ANKRD24: variants seen among roughly 807,000 people sequenced by gnomAD.
ANKRD24 encodes ankyrin repeat domain 24.
In ANKRD24, 109 loss-of-function variants were observed where a neutral mutation model predicts 127.8. The ratio of observed to expected loss-of-function variants is 0.85; its 90% CI spans 0.73 to 1.00. The LOEUF is 1.00. ANKRD24 is among the 50% of genes least tolerant of loss of function. ANKRD24 has a pLI of 0.00. For missense variants in ANKRD24, 1,648 were observed against 1,570.2 expected, an observed-to-expected ratio of 1.05 and a Z score of -0.84; for synonymous variants, 743 against 671.1, an observed-to-expected ratio of 1.11 and a Z score of -1.66.
At chr19:4,222,558 C>G (rs185969460) in intron 19 of ANKRD24, 112 bp from the exon 20 acceptor site, 1 of 1,309,762 alleles carries the variant, frequency 7.6e-7, no homozygotes, top group African/African-American at 1.5e-5. Flanking sequence ...ACCCCAGGGA[C>G]GGGACCTTCC....
Position 4,212,702 on chromosome 19 carries a change from G to T in ANKRD24, c.1197+4G>T. On this transcript the variant is annotated splice_donor_region_variant and intron_variant, in intron 15 of 21. Coordinates refer to ENST00000318934, the MANE Select transcript of ANKRD24 (RefSeq NM_001393985.1). ...GAGCCGGCTGTCCCTGCTGGAGGTA[G>T]GAGCAGTGATGAGTCAGGGCTGGGC... 6.4e-7 allele frequency: 1 copy of T among 1,550,494 alleles called. No individual in the cohort carries two copies. Among genetic ancestry groups the T allele is most frequent in the Non-Finnish European group, 8.7e-7 (1 of 1,146,920 alleles).
At chr19:4,196,932 C>T (rs189733974) in intron 2 of ANKRD24, among the ~76,000 whole-genome samples, 1 of 152,074 alleles carries the variant, frequency 6.6e-6, no homozygotes, top group Non-Finnish European at 1.5e-5. Flanking sequence ...CCAGGAGTGG[C>T]GGAAATTGAC....
intron 2 of ANKRD24, among the ~76,000 whole-genome samples, chr19:4,197,400 CA>C (rs1427524288): frequency 6.6e-6 from 1 of 151,760 alleles, no homozygotes; most frequent in Admixed American, 6.6e-5. Flanking sequence ...CGGGAATGAA[CA>C]AATGAATGAA....
At chr19:4,197,850 CAAAT>C (rs976453860) in intron 2 of ANKRD24, among the ~76,000 whole-genome samples, 2 of 151,802 alleles carry the variant, frequency 1.3e-5, no homozygotes, top group Admixed American at 1.3e-4. Context: ...AGCGAATAAA[CAAAT>C]GAGTGAAGGA....
intron 2 of ANKRD24, among the ~76,000 whole-genome samples, chr19:4,192,839 T>C (rs954187190): frequency 1.3e-5 from 2 of 151,720 alleles, no homozygotes; most frequent in African/African-American, 4.8e-5. Flanking sequence ...GAGGCTGAGA[T>C]GGGAGGACCA....
Position 4,203,036 on chromosome 19 carries a change from CCTCCTTT to C in ANKRD24, c.466+113_466+119del, listed in dbSNP as rs901824914. Reference sequence around the variant, plus strand: ...TGACCTGCTGTGAAGCTTCCTGTCTCCTCCTTTCTTTCTTTCTTTTTTTTTTTTTGAG... The same window carrying C: ...TGACCTGCTGTGAAGCTTCCTGTCTCCTTTCTTTCTTTTTTTTTTTTTGAG... On this transcript the variant is annotated intron_variant, in intron 7 of 21. Transcript: ENST00000318934. 9.6e-4 allele frequency: 607 copies of C among 629,478 alleles called. 1 individual carries two copies. The highest frequency in any genetic ancestry group is 1.3e-3 in the Non-Finnish European group (567 of 434,634). The allele number at this position is 629,478 out of a possible 1,614,324, so 39.0% of individuals were successfully genotyped here.
chr19:4,224,255 T>A (rs1970618968), intron 21 of ANKRD24, 63 bp downstream of exon 21: 12 of 1,503,188 alleles, frequency 8.0e-6, no homozygotes, highest in Non-Finnish European at 1.1e-5. Flanking sequence ...TCTCTGAGCC[T>A]CAGTTTCCCC....
chr19:4,219,419 A>T (rs1970322225), intron 18 of ANKRD24, among the ~76,000 whole-genome samples, 172 bp from the exon 19 acceptor site: 1 of 152,140 alleles, frequency 6.6e-6, no homozygotes, highest in Non-Finnish European at 1.5e-5. Flanking sequence ...GTGAGCCATG[A>T]TCGCACCACC....
intron 1 of ANKRD24, among the ~76,000 whole-genome samples, chr19:4,185,791 T>A (rs140434345): frequency 9.2e-5 from 14 of 152,298 alleles, no homozygotes; most frequent in Admixed American, 5.2e-4. Flanking sequence ...AGCCCCTGAC[T>A]GTTGAAAAGG....
At chr19:4,218,662 CTCTT>C (rs148756276) in intron 18 of ANKRD24, among the ~76,000 whole-genome samples, 10,398 of 151,672 alleles carry the variant, frequency 0.069, 500 homozygotes, top group Non-Finnish European at 0.1. Flanking sequence ...TGTGTTTTCT[CTCTT>C]TCTTTCTCTT....
chr19:4,208,680 G>A lies in ANKRD24; in HGVS notation c.833-84G>A. 3.7e-6 allele frequency: 5 copies of A among 1,343,556 alleles called. No homozygotes were observed. In the South Asian group the frequency reaches 3.8e-5, roughly 10 times the overall value. 83.2% of individuals were successfully genotyped at this position (1,343,556 alleles called of 1,614,324 possible). A position where few individuals can be genotyped will look rare whatever the true frequency, so the allele number is the denominator to read the frequency against. On this transcript the variant is annotated intron_variant, in intron 10 of 21. Transcript: ENST00000318934. ...GCCCTGATTCTTGGGGAAATCGGGA[G>A]CCCCCTACAAGTCCCTGGGGCCCAC...
intron 1 of ANKRD24, among the ~76,000 whole-genome samples, chr19:4,184,089 G>A (rs1967905006): frequency 1.3e-5 from 2 of 152,176 alleles, no homozygotes; most frequent in African/African-American, 2.4e-5. Context: ...GAAGATCGTG[G>A]GTGTCTTCCC....
intron 20 of ANKRD24, among the ~76,000 whole-genome samples, chr19:4,223,399 A>ATT (rs1248797551): frequency 5.5e-4 from 31 of 56,352 alleles, no homozygotes; most frequent in East Asian, 1.4e-3. Flanking sequence ...ATATATATAT[A>ATT]TATTTTTTTT....
intron 11 of ANKRD24, among the ~76,000 whole-genome samples, chr19:4,209,849 GAGAGTAA>G (rs1969607065): frequency 1.3e-5 from 2 of 152,228 alleles, no homozygotes; most frequent in South Asian, 4.1e-4. Flanking sequence ...GAGAGGAGCA[GAGAGTAA>G]AGAGTAAGAT....
chr19:4,218,031 G>C lies in ANKRD24; in HGVS notation c.2871G>C (p.Glu957Asp). The C allele has an allele frequency of 6.4e-7, 1 of 1,559,184 alleles. No individual in the cohort carries two copies. Among genetic ancestry groups the C allele is most frequent in the South Asian group, 1.2e-5 (1 of 84,804 alleles). ...GGCTGCGCGCGGAGCTGGAGCGGGA[G>C]CGTGTGTGCAGCGTGGCGCTCTCGG... ...AARLRAELER[E>D]RVCSVALSEH... Residue 957 changes from glutamate to aspartate, a missense_variant, in exon 18 of 22, where the codon GAG (glutamate) becomes GAC (aspartate). Glu to Asp is a conservative substitution (Grantham distance 45, BLOSUM62 2). Coordinates refer to ENST00000318934, the MANE Select transcript of ANKRD24 (RefSeq NM_001393985.1).
In ANKRD24 at chr19:4,215,966, C is replaced by T. The variant is rs1436301502; in HGVS notation, c.1198-12C>T. The T allele has an allele frequency of 1.3e-6, 2 of 1,576,084 alleles. No individual in the cohort carries two copies. Among genetic ancestry groups the T allele is most frequent in the Admixed American group, 1.8e-5 (1 of 54,192 alleles). ...GCAGAACCCCGAGCTGGACTCTGCTCCCTCCCCCCAGAACGAGCGGGAGAA... is the reference window on the plus strand; with the variant it reads ...GCAGAACCCCGAGCTGGACTCTGCTTCCTCCCCCCAGAACGAGCGGGAGAA... On this transcript the variant is annotated splice_polypyrimidine_tract_variant and intron_variant, in intron 15 of 21. Transcript: ENST00000318934.
Position 4,198,033 on chromosome 19 carries a change from C to T in ANKRD24, c.37-1650C>T. ...AAAGTGTGAGTGGCGAGAGCCCTGC[C>T]GGCCGCGTGGAGGTGCGAGGCTGCG... On this transcript the variant is annotated intron_variant, in intron 2 of 21. Transcript: ENST00000318934. This position sits in a 1 kb window ranked among gnomAD's most constrained non-coding sequence, Gnocchi z 6.1. 1 of 409,640 alleles carries T rather than the reference C, an allele frequency of 2.4e-6. No homozygotes were observed. The highest frequency in any genetic ancestry group is 3.6e-5 in the East Asian group (1 of 28,008). The allele number at this position is 409,640 out of a possible 1,614,324, so 25.4% of individuals were successfully genotyped here. A position where few individuals can be genotyped will look rare whatever the true frequency, so the allele number is the denominator to read the frequency against.
At chr19:4,189,818 G>A (rs555407377) in intron 2 of ANKRD24, among the ~76,000 whole-genome samples, 1 of 152,102 alleles carries the variant, frequency 6.6e-6, no homozygotes, top group Non-Finnish European at 1.5e-5. Flanking sequence ...AGATGAGGGA[G>A]GGAAGCCCAG....
At chr19:4,219,037 G>A (rs1027641530) in intron 18 of ANKRD24, among the ~76,000 whole-genome samples, 2 of 152,144 alleles carry the variant, frequency 1.3e-5, no homozygotes, top group South Asian at 2.1e-4. Flanking sequence ...TGTAATCCCA[G>A]CACTTTGGGA....
Sources: allele counts gnomAD v4.1 joint callset (sites outside exome capture counted in the v4.1 genomes callset), GRCh38; gene constraint gnomAD v4.1.1; non-coding constraint Gnocchi (gnomAD v3.1); transcripts MANE v1.5; gene names NCBI Gene and HGNC (gene_info 2026-07-23, HGNC 2026-07-21).